EPB41L2: variants seen among roughly 807,000 people sequenced by gnomAD.
EPB41L2 encodes the protein erythrocyte membrane protein band 4.1 like 2.
EPB41L2 carries 43 observed loss-of-function variants against 113.0 expected under a neutral mutation model. The observed-to-expected ratio is 0.38, with a 90% CI of 0.30 to 0.49. The LOEUF is 0.49. EPB41L2 is among the 20% of genes least tolerant of loss of function. The probability of loss-of-function intolerance (pLI) is 0.95; values close to 1 mark genes in which losing one functional copy is unlikely to be tolerated. For missense variants in EPB41L2, 1,147 were observed against 1,223.4 expected (o/e 0.94, Z 0.93); for synonymous variants, 442 against 436.7 (o/e 1.01, Z -0.15).
rs528210969 is a variant in EPB41L2 at position 131,007,744 on chromosome 6, G to C, written c.-14-51245C>G. On this transcript the variant is annotated intron_variant, in intron 1 of 19. Coordinates refer to ENST00000337057, the MANE Select transcript of EPB41L2 (RefSeq NM_001431.4). ...TCTATGCTTTAGCAAAGAGACTGGT[G>C]ACATTTTGCCCCTGCCCTAGAGATC... Among the ~76,000 whole-genome samples the C allele has an allele frequency of 1.4e-4, 21 of 152,302 alleles. 1 individual carries two copies. The highest frequency in any genetic ancestry group is 5.1e-4 in the African/African-American group (21 of 41,568).
At chr6:130,848,047 C>A (rs1777553407) in intron 19 of EPB41L2, among the ~76,000 whole-genome samples, 1 of 152,086 alleles carries the variant, frequency 6.6e-6, no homozygotes, top group Admixed American at 6.5e-5. Context: ...TAGTGGGAAT[C>A]AAAAGAAATT....
At chr6:130,876,533 T>C (rs149891973) in intron 14 of EPB41L2, 1 of 353,902 alleles carries the variant, frequency 2.8e-6, no homozygotes, top group African/African-American at 2.1e-5. Flanking sequence ...ACACAGGGGA[T>C]TTAACTTTTT....
intron 19 of EPB41L2, among the ~76,000 whole-genome samples, chr6:130,853,501 G>A (rs924457198): frequency 6.6e-6 from 1 of 152,226 alleles, no homozygotes; most frequent in Non-Finnish European, 1.5e-5. Context: ...CGGCAGGAGG[G>A]AGTAGTCCTT....
chr6:130,946,685 T>C (rs1812941598), intron 3 of EPB41L2, among the ~76,000 whole-genome samples: 1 of 151,972 alleles, frequency 6.6e-6, no homozygotes, highest in South Asian at 2.1e-4. Context: ...ACACATAAAA[T>C]ACATATAAAT....
chr6:130,858,307 A>G, intron 18 of EPB41L2, 64 bp from the exon 19 acceptor site: 2 of 1,263,894 alleles, frequency 1.6e-6, no homozygotes, highest in South Asian at 2.7e-5. Flanking sequence ...ACAATGGCAA[A>G]ACACACACAC....
intron 1 of EPB41L2, among the ~76,000 whole-genome samples, chr6:131,008,059 C>T (rs1382644255): frequency 1.3e-5 from 2 of 152,240 alleles, no homozygotes; most frequent in Non-Finnish European, 2.9e-5. Context: ...ATGTTAATCC[C>T]AAGACAATGG....
At chr6:130,935,662 G>T (rs1808535362) in intron 3 of EPB41L2, among the ~76,000 whole-genome samples, 1 of 152,080 alleles carries the variant, frequency 6.6e-6, no homozygotes, top group Admixed American at 6.6e-5. Flanking sequence ...CTAATTTTTA[G>T]TTTTAAACAA....
chr6:130,849,960 G>A (rs1318900536), intron 19 of EPB41L2, among the ~76,000 whole-genome samples: 1 of 152,196 alleles, frequency 6.6e-6, no homozygotes, highest in African/African-American at 2.4e-5. Context: ...TGGGCAAGCA[G>A]TGGTGGCTTA....
chr6:130,936,813 A>T (rs1405848952), intron 3 of EPB41L2, among the ~76,000 whole-genome samples: 2 of 152,218 alleles, frequency 1.3e-5, no homozygotes, highest in East Asian at 3.9e-4. Flanking sequence ...AACAGCTGTG[A>T]AGTAAAGGAA....
At chr6:130,925,630 A>G (rs1337710021) in intron 4 of EPB41L2, among the ~76,000 whole-genome samples, 1 of 152,222 alleles carries the variant, frequency 6.6e-6, no homozygotes, top group African/African-American at 2.4e-5. Flanking sequence ...GATCTCAAAA[A>G]AAGGAGGTAA....
chr6:131,006,419 T>C (rs570889749), intron 1 of EPB41L2, among the ~76,000 whole-genome samples: 2 of 151,142 alleles, frequency 1.3e-5, no homozygotes, highest in Admixed American at 6.6e-5. Context: ...CCCAACACTT[T>C]GGGAGGCCGA....
At chr6:130,914,632 C>G (rs371524472) in intron 4 of EPB41L2, among the ~76,000 whole-genome samples, 15 of 152,154 alleles carry the variant, frequency 9.9e-5, no homozygotes, top group African/African-American at 3.6e-4. Flanking sequence ...GTGACAGCTT[C>G]AGGCAATTCA....
At chr6:130,846,142 T>G (rs528997144) in intron 19 of EPB41L2, among the ~76,000 whole-genome samples, 1 of 152,196 alleles carries the variant, frequency 6.6e-6, no homozygotes, top group Non-Finnish European at 1.5e-5. Context: ...ATGAGCTTGA[T>G]AGCTTCCCGA....
intron 14 of EPB41L2, among the ~76,000 whole-genome samples, chr6:130,874,947 A>C (rs1415897832): frequency 6.6e-6 from 1 of 152,226 alleles, no homozygotes; most frequent in African/African-American, 2.4e-5. Context: ...CAGGTTATGA[A>C]AAATACGTAA....
At chr6:131,024,539 C>A (rs1584604442) in intron 1 of EPB41L2, among the ~76,000 whole-genome samples, 1 of 152,318 alleles carries the variant, frequency 6.6e-6, no homozygotes, top group African/African-American at 2.4e-5. Context: ...ACCACAAGAG[C>A]TATTCACCAG....
chr6:130,956,397 A>C lies in EPB41L2; in HGVS notation c.89T>G (p.Val30Gly). ...TDATKEKPKE[V>G]AENQQNQSSD... is the part of the protein sequence containing the mutation. The stretch of plus-strand genomic sequence containing the variant: ...AGACTGATTCTGCTGATTTTCTGCT[A>C]CTTCTTTAGGTTTTTCCTTGGTTGC... Residue 30 changes from valine (V) to glycine (G), a missense_variant, in exon 2 of 20, where the codon GTA becomes GGA. Physicochemically the swap from Val to Gly is moderately radical, Grantham distance 109 (BLOSUM62 -3). Coordinates refer to ENST00000337057, the MANE Select transcript of EPB41L2 (RefSeq NM_001431.4). 1 of 1,614,074 alleles carries C rather than the reference A, an allele frequency of 6.2e-7. No homozygotes were observed. The highest frequency in any genetic ancestry group is 8.5e-7 in the Non-Finnish European group (1 of 1,180,030).
At chr6:131,046,799 G>C (rs963771027) in intron 1 of EPB41L2, among the ~76,000 whole-genome samples, 3 of 152,098 alleles carry the variant, frequency 2.0e-5, no homozygotes, top group Non-Finnish European at 4.4e-5. Context: ...AGCTGGTAAA[G>C]GAACATGAGT....
chr6:130,956,560 T>C, intron 1 of EPB41L2, 61 bp from the exon 2 acceptor site: 2 of 1,453,022 alleles, frequency 1.4e-6, no homozygotes, highest in Non-Finnish European at 1.8e-6. Context: ...TTTAGTTTGG[T>C]TGCGAGGGGC....
chr6:131,026,571 T>C (rs950802008), intron 1 of EPB41L2, among the ~76,000 whole-genome samples: 1 of 152,232 alleles, frequency 6.6e-6, no homozygotes, highest in African/African-American at 2.4e-5. Flanking sequence ...AACTCTGGGC[T>C]AAAGAGAACT....
Sources: allele counts gnomAD v4.1 joint callset (sites outside exome capture counted in the v4.1 genomes callset), GRCh38; gene constraint gnomAD v4.1.1; transcripts MANE v1.5; gene names NCBI Gene and HGNC (gene_info 2026-07-23, HGNC 2026-07-21).